SV2B: variants seen among roughly 807,000 people sequenced by gnomAD.
The protein encoded by SV2B is solute carrier family 22 member B2.
A neutral mutation model predicts 73.9 loss-of-function variants in SV2B; 41 were observed. That is an observed-to-expected ratio of 0.56 (90% CI 0.43 to 0.72). SV2B has a LOEUF of 0.72. Among genes scored for constraint, SV2B ranks in the 30% least tolerant of loss-of-function variants. The pLI, the probability that SV2B is intolerant of heterozygous loss-of-function variation, is 0.00. For missense variants in SV2B, 764 were observed against 857.8 expected, an observed-to-expected ratio of 0.89 and a Z score of 1.37; for synonymous variants, 314 against 314.2, an observed-to-expected ratio of 1.00 and a Z score of 0.01.
intron 12 of SV2B, 42 bp from the exon 13 acceptor site, chr15:91,292,327 G>A: frequency 6.3e-7 from 1 of 1,591,518 alleles, no homozygotes; most frequent in Non-Finnish European, 8.6e-7. Context: ...TTCATCTAAT[G>A]TGGTTCAGAA....
chr15:91,180,362 A>G (rs1308896054), intron 1 of SV2B, among the ~76,000 whole-genome samples: 3 of 151,896 alleles, frequency 2.0e-5, no homozygotes, highest in South Asian at 2.1e-4. Flanking sequence ...GAATCTGACA[A>G]TTATGTGTCT....
chr15:91,133,500 A>G (rs2042720148), intron 1 of SV2B, among the ~76,000 whole-genome samples: 1 of 152,138 alleles, frequency 6.6e-6, no homozygotes, highest in Admixed American at 6.5e-5. Flanking sequence ...ATTCAGAGGT[A>G]GGCACAAATA....
Position 91,121,910 on chromosome 15 carries a change from G to A in SV2B, c.-392+21547G>A, listed in dbSNP as rs960736864. On this transcript the variant is annotated intron_variant, in intron 1 of 12. Transcript: ENST00000394232. The surrounding 1 kb of genome is among the most constrained non-coding windows in gnomAD (Gnocchi z 4.4). ...CTGCCTCAGCCTCCCGAGTAGCTGG[G>A]ACTACAGGTGCCTGCCACCACCCCC... is the stretch of plus-strand genomic sequence containing the variant. Among the ~76,000 whole-genome samples the A allele has an allele frequency of 3.9e-5, 6 of 151,976 alleles. No individual in the cohort carries two copies. The highest frequency in any genetic ancestry group is 7.4e-5 in the Non-Finnish European group (5 of 68,002).
intron 1 of SV2B, among the ~76,000 whole-genome samples, chr15:91,163,223 TAC>T (rs2043789232): frequency 6.6e-6 from 1 of 152,220 alleles, no homozygotes. Flanking sequence ...TCAATAAACA[TAC>T]GTGTGCATGT....
Position 91,182,437 on chromosome 15 carries a change from A to G in SV2B, c.-391-43436A>G, listed in dbSNP as rs144402500. 1.9e-4 allele frequency among the ~76,000 whole-genome samples: 29 copies of G among 152,340 alleles called. No individual in the cohort carries two copies. The East Asian group carries it at 3.9e-3, about 20-fold the overall frequency. ...GTAGCTCAAAAAGCTCAAAATCTAG[A>G]TGTTCCTATTTTCAGTCTCTGAATT... On this transcript the variant is annotated intron_variant, in intron 1 of 12. Transcript: ENST00000394232.
intron 1 of SV2B, among the ~76,000 whole-genome samples, chr15:91,195,803 C>G (rs1197785274): frequency 6.6e-6 from 1 of 152,192 alleles, no homozygotes; most frequent in Non-Finnish European, 1.5e-5. Flanking sequence ...GTACAGCTAA[C>G]ATAGCACAGA....
chr15:91,248,186 T>C (rs2047323373), intron 2 of SV2B, among the ~76,000 whole-genome samples: 2 of 151,926 alleles, frequency 1.3e-5, no homozygotes, highest in South Asian at 2.1e-4. Context: ...CCGGGCGTGG[T>C]GGTGGGCGCC....
rs1294847290 is a variant in SV2B at position 91,123,945 on chromosome 15, T to C, written c.-392+23582T>C. On this transcript the variant is annotated intron_variant, in intron 1 of 12. Coordinates refer to ENST00000394232, the MANE Select transcript of SV2B (RefSeq NM_001323032.3). The surrounding 1 kb of genome is among the most constrained non-coding windows in gnomAD (Gnocchi z 4.7). ...CCCTTACCTAGAAATCACCTGGCACTGTTGCCCAGAGAGGTGCCTTGAAGA... is the reference window on the plus strand; with the variant it reads ...CCCTTACCTAGAAATCACCTGGCACCGTTGCCCAGAGAGGTGCCTTGAAGA... 6.6e-5 allele frequency among the ~76,000 whole-genome samples: 10 copies of C among 152,236 alleles called. No homozygotes were observed. The highest frequency in any genetic ancestry group is 1.5e-4 in the Non-Finnish European group (10 of 68,036).
rs376612648 is a variant in SV2B, at chr15:91,265,559, G to A, written c.1009-1023G>A. On this transcript the variant is annotated intron_variant, in intron 6 of 12. Transcript: ENST00000394232. The surrounding 1 kb of genome is among the most constrained non-coding windows in gnomAD (Gnocchi z 4.2). The stretch of plus-strand genomic sequence containing the variant: ...TGGTTTTTAAGGTGCTTCCTGAGTT[G>A]ATGTTAACTTCCCCTGTAGCCTCCT... 6.6e-6 allele frequency among the ~76,000 whole-genome samples: 1 copy of A among 152,186 alleles called. No individual in the cohort carries two copies. Among genetic ancestry groups the A allele is most frequent in the African/African-American group, 2.4e-5 (1 of 41,444 alleles).
At chr15:91,248,275 C>T (rs756943530) in intron 2 of SV2B, among the ~76,000 whole-genome samples, 21 of 152,068 alleles carry the variant, frequency 1.4e-4, no homozygotes, top group Middle Eastern at 3.4e-3. Context: ...GAGCCGAGAT[C>T]GTGCCACTAC....
Position 91,252,229 on chromosome 15 carries a change from G to C in SV2B, c.633-140G>C. ...CAAGACTGCTTCCCACATGTAGAGA[G>C]GAACTAACTGGCCGGTCTCTCAAAT... is the stretch of plus-strand genomic sequence containing the variant. On this transcript the variant is annotated intron_variant, in intron 3 of 12. Transcript: ENST00000394232. The surrounding 1 kb of genome is among the most constrained non-coding windows in gnomAD (Gnocchi z 4.6). 8.1e-7 allele frequency: 1 copy of C among 1,235,224 alleles called. No individual in the cohort carries two copies. The highest frequency in any genetic ancestry group is 1.1e-6 in the Non-Finnish European group (1 of 890,136). The allele number at this position is 1,235,224 out of a possible 1,614,324, so 76.5% of individuals were successfully genotyped here.
intron 1 of SV2B, among the ~76,000 whole-genome samples, chr15:91,195,073 A>G (rs1013873187): frequency 7.9e-5 from 12 of 152,158 alleles, no homozygotes; most frequent in African/African-American, 2.7e-4. Flanking sequence ...TCACTGACAT[A>G]GGGGCTTCTT....
rs1491026164 is a variant in SV2B, at chr15:91,120,825, AAG to A, written c.-392+20464_-392+20465del. On this transcript the variant is annotated intron_variant, in intron 1 of 12. Transcript: ENST00000394232. Reference sequence around the variant, plus strand: ...AGAACCTGTCTCAAAAAAAAAAAAAAAGAAAGAAAAAGTAAAAGAAACATTTC... The same window carrying A: ...AGAACCTGTCTCAAAAAAAAAAAAAAAAAGAAAAAGTAAAAGAAACATTTC... Among the ~76,000 whole-genome samples the A allele has an allele frequency of 3.2e-3, 476 of 150,322 alleles. 6 individuals carry two copies. Among genetic ancestry groups the A allele is most frequent in the African/African-American group, 0.011 (451 of 40,966 alleles).
In SV2B at chr15:91,259,905, C is replaced by G. The variant is rs2047846548; in HGVS notation, c.919-415C>G. Among the ~76,000 whole-genome samples, 4 of 152,334 alleles carry G rather than the reference C, an allele frequency of 2.6e-5. No individual in the cohort carries two copies. In the South Asian group the frequency reaches 6.2e-4, roughly 24 times the overall value. ...GACCCTATTTCCGAATAAAGTCACT[C>G]TCTGTGGTACTGGGGATTAGCACTT... On this transcript the variant is annotated intron_variant, in intron 5 of 12. Coordinates refer to ENST00000394232, the MANE Select transcript of SV2B (RefSeq NM_001323032.3).
At chr15:91,198,970 A>G (rs1001499448) in intron 1 of SV2B, among the ~76,000 whole-genome samples, 1 of 152,204 alleles carries the variant, frequency 6.6e-6, no homozygotes, top group Non-Finnish European at 1.5e-5. Context: ...GTATTATCGA[A>G]TATTATAAAA....
intron 1 of SV2B, among the ~76,000 whole-genome samples, chr15:91,192,498 T>C (rs1487282341): frequency 1.3e-5 from 2 of 152,190 alleles, no homozygotes; most frequent in African/African-American, 4.8e-5. Context: ...ATGTGTAAAA[T>C]GAGATAATAT....
intron 9 of SV2B, among the ~76,000 whole-genome samples, chr15:91,269,844 A>T (rs2048233717): frequency 6.6e-6 from 1 of 152,190 alleles, no homozygotes; most frequent in Non-Finnish European, 1.5e-5. Context: ...AGAATTTTTA[A>T]AATGCTGAAG....
rs981119675 is a variant in SV2B at position 91,283,459 on chromosome 15, A to C, written c.1508-562A>C. Among the ~76,000 whole-genome samples the C allele has an allele frequency of 6.6e-6, 1 of 151,572 alleles. No homozygotes were observed. Among genetic ancestry groups the C allele is most frequent in the Non-Finnish European group, 1.5e-5 (1 of 67,904 alleles). ...AGATGATTTTTTTTTTTTTAAAGGC[A>C]AGGTCTCCCTCTTTTGCCCAGGCTG... On this transcript the variant is annotated intron_variant, in intron 10 of 12. Coordinates refer to ENST00000394232, the MANE Select transcript of SV2B (RefSeq NM_001323032.3). The surrounding 1 kb of genome is among the most constrained non-coding windows in gnomAD (Gnocchi z 4.3).
intron 1 of SV2B, among the ~76,000 whole-genome samples, chr15:91,133,812 G>A (rs1488710208): frequency 6.6e-6 from 1 of 152,082 alleles, no homozygotes; most frequent in African/African-American, 2.4e-5. Context: ...GAGCCTTCCA[G>A]GTATGCGATC....
Sources: allele counts gnomAD v4.1 joint callset (sites outside exome capture counted in the v4.1 genomes callset), GRCh38; gene constraint gnomAD v4.1.1; non-coding constraint Gnocchi (gnomAD v3.1); transcripts MANE v1.5; gene names NCBI Gene and HGNC (gene_info 2026-07-23, HGNC 2026-07-21).